SORT1: variants seen among roughly 807,000 people sequenced by gnomAD.
The protein encoded by SORT1 is sortilin 1.
A neutral mutation model predicts 101.7 loss-of-function variants in SORT1; 39 were observed. The ratio of observed to expected loss-of-function variants is 0.38; its 90% CI spans 0.30 to 0.50. SORT1 has a LOEUF of 0.50. Among genes scored for constraint, SORT1 ranks in the 20% least tolerant of loss-of-function variants. SORT1 has a pLI of 0.90. For missense variants in SORT1, 878 were observed against 1,040.4 expected, an observed-to-expected ratio of 0.84 and a Z score of 2.15; for synonymous variants, 396 against 393.7, an observed-to-expected ratio of 1.01 and a Z score of -0.07.
intron 6 of SORT1, 117 bp downstream of exon 6, chr1:109,350,812 G>A: frequency 1.3e-6 from 1 of 746,122 alleles, no homozygotes; most frequent in East Asian, 2.5e-5. Context: ...TATCTCTTAT[G>A]GCACCCTGAA....
intron 1 of SORT1, among the ~76,000 whole-genome samples, chr1:109,395,151 TAC>T (rs1042197937): frequency 1.3e-4 from 18 of 142,774 alleles, no homozygotes; most frequent in Non-Finnish European, 2.0e-4. Flanking sequence ...TTTAACCAGA[TAC>T]AGAAAGGATG....
intron 1 of SORT1, among the ~76,000 whole-genome samples, chr1:109,369,918 A>G (rs1321930077): frequency 6.6e-6 from 1 of 152,214 alleles, no homozygotes; most frequent in East Asian, 1.9e-4. Context: ...AAGTATTTTT[A>G]GGATGCTTTA....
chr1:109,327,118 T>A lies in SORT1; in HGVS notation c.1517A>T (p.Tyr506Phe). The change falls in exon 13 of 20, where the codon TAC (tyrosine) becomes TTC (phenylalanine). Residue 506 changes from tyrosine to phenylalanine, a missense_variant. Around this residue, in one of 2 missense-constraint regions of SORT1, gnomAD observed 684 missense variants for 894.5 expected, o/e 0.76. Transcript: ENST00000256637. ...DAISVMVPDV[Y>F]ISDDGGYSWT... ...GGAGTAACCCCCATCATCTGAGATG[T>A]ACACATCTGGAACCATCACTGAGAT... The A allele has an allele frequency of 1.2e-6, 2 of 1,613,740 alleles. No individual in the cohort carries two copies. Among genetic ancestry groups the A allele is most frequent in the Non-Finnish European group, 1.7e-6 (2 of 1,179,866 alleles).
At chr1:109,317,527 C>T (rs1477088335) in intron 16 of SORT1, among the ~76,000 whole-genome samples, 2 of 152,204 alleles carry the variant, frequency 1.3e-5, no homozygotes, top group Admixed American at 6.5e-5. Flanking sequence ...GCGGATGGGA[C>T]GCTTCTGTCA....
rs975626753 is a variant in SORT1, at chr1:109,309,636, T to G, written c.*4407A>C. 2.0e-5 allele frequency: 3 copies of G among 152,176 alleles called. No individual in the cohort carries two copies. Among genetic ancestry groups the G allele is most frequent in the African/African-American group, 7.2e-5 (3 of 41,432 alleles). The allele number at this position is 152,176 out of a possible 1,614,324, so 9.4% of individuals were successfully genotyped here. On this transcript the variant is annotated 3_prime_UTR_variant, in exon 20 of 20. Coordinates refer to ENST00000256637, the MANE Select transcript of SORT1 (RefSeq NM_002959.7). Reference sequence around the variant, plus strand: ...CAAATATTCCAAATATACAGAAAATTACCAGTACAAAGTTAAACACATTCA... The same window carrying G: ...CAAATATTCCAAATATACAGAAAATGACCAGTACAAAGTTAAACACATTCA...
chr1:109,386,986 T>C (rs1652607070), intron 1 of SORT1, among the ~76,000 whole-genome samples: 1 of 152,176 alleles, frequency 6.6e-6, no homozygotes, highest in Non-Finnish European at 1.5e-5. Context: ...TGTTATTAAA[T>C]TATAGTCTTT....
chr1:109,354,738 A>G (rs1173675408), intron 4 of SORT1, among the ~76,000 whole-genome samples: 1 of 152,188 alleles, frequency 6.6e-6, no homozygotes, highest in Non-Finnish European at 1.5e-5. Context: ...GGGACATCAT[A>G]TCTGTGGGTT....
rs547347560 is a variant in SORT1 at position 109,334,270 on chromosome 1, A to G, written c.1371+1970T>C. On this transcript the variant is annotated intron_variant, in intron 11 of 19. Coordinates refer to ENST00000256637, the MANE Select transcript of SORT1 (RefSeq NM_002959.7). ...TCTGTGCTCCCATGTCCACTGCAGT[A>G]TTATTCACAATAGCCAAGCTACAGA... Among the ~76,000 whole-genome samples, 6 of 152,364 alleles carry G rather than the reference A, an allele frequency of 3.9e-5. No individual in the cohort carries two copies. The East Asian group carries it at 1.2e-3, about 29-fold the overall frequency.
At chr1:109,323,257 T>G (rs1222103292) in intron 14 of SORT1, 136 bp from the exon 15 acceptor site, 13 of 619,024 alleles carry the variant, frequency 2.1e-5, no homozygotes, top group Non-Finnish European at 3.4e-5. Flanking sequence ...ATTTTGGAAT[T>G]GCAAACAAAA....
intron 12 of SORT1, 29 bp downstream of exon 12, chr1:109,327,470 T>C: frequency 7.3e-7 from 1 of 1,364,520 alleles, no homozygotes; most frequent in Non-Finnish European, 1.0e-6. Flanking sequence ...ACTGTTCCAG[T>C]TGGAGGTGGT....
At position 109,387,807 on chromosome 1, in the gene SORT1, C is replaced by T. The variant is rs1014160312; in HGVS notation, c.306+9780G>A. Among the ~76,000 whole-genome samples, 4 of 152,028 alleles carry T rather than the reference C, an allele frequency of 2.6e-5. No homozygotes were observed. The East Asian group carries it at 5.8e-4, about 22-fold the overall frequency. ...CTCTACTAAAAATACAAAAATTAGCCGGGTGTGGTGGCGGGCACCTGTAAT... is the reference window on the plus strand; with the variant it reads ...CTCTACTAAAAATACAAAAATTAGCTGGGTGTGGTGGCGGGCACCTGTAAT... On this transcript the variant is annotated intron_variant, in intron 1 of 19. Transcript: ENST00000256637.
intron 1 of SORT1, among the ~76,000 whole-genome samples, chr1:109,381,053 T>G (rs1557824116): frequency 6.6e-6 from 1 of 152,044 alleles, no homozygotes; most frequent in Non-Finnish European, 1.5e-5. Context: ...TCTTCTACGG[T>G]GGGTGGGAGT....
chr1:109,340,610 G>T, intron 10 of SORT1, 114 bp downstream of exon 10: 1 of 1,053,258 alleles, frequency 9.5e-7, no homozygotes, highest in Non-Finnish European at 1.4e-6. Context: ...AAATGTACAT[G>T]GGTAGGCTTG....
intron 1 of SORT1, among the ~76,000 whole-genome samples, chr1:109,382,413 G>A (rs755082767): frequency 2.7e-4 from 41 of 152,148 alleles, no homozygotes; most frequent in Non-Finnish European, 5.1e-4. Context: ...TGGGATTACA[G>A]GTGTGAACCA....
chr1:109,348,371 G>A (rs1199715192), intron 6 of SORT1, among the ~76,000 whole-genome samples: 1 of 146,700 alleles, frequency 6.8e-6, no homozygotes, highest in East Asian at 2.0e-4. Flanking sequence ...CAGCATCCTG[G>A]TTATTCATAT....
rs561490324 is a variant in SORT1, at chr1:109,370,352, C to T, written c.307-763G>A. Reference sequence around the variant, plus strand: ...AAGAAGATGTAGACAATTATAAGAACGCATAATAAAGATAAGTCACTCATA... The same window carrying T: ...AAGAAGATGTAGACAATTATAAGAATGCATAATAAAGATAAGTCACTCATA... On this transcript the variant is annotated intron_variant, in intron 1 of 19. Transcript: ENST00000256637. Among the ~76,000 whole-genome samples, 16 of 151,740 alleles carry T rather than the reference C, an allele frequency of 1.1e-4. No homozygotes were observed. In the South Asian group the frequency reaches 2.7e-3, roughly 26 times the overall value.
chr1:109,326,583 A>T (rs1448789324), intron 13 of SORT1, among the ~76,000 whole-genome samples: 1 of 148,430 alleles, frequency 6.7e-6, no homozygotes, highest in Non-Finnish European at 1.5e-5. Flanking sequence ...ACATATATAC[A>T]CACACACATA....
rs747827454 is a variant in SORT1, at chr1:109,317,988, A to G, written c.2025-19T>C. The G allele has an allele frequency of 6.6e-7, 1 of 1,508,710 alleles. No homozygotes were observed. The highest frequency in any genetic ancestry group is 1.7e-4 in the Middle Eastern group (1 of 5,872). The allele number at this position is 1,508,710 out of a possible 1,614,324, so 93.5% of individuals were successfully genotyped here. ...AAAATCACTGCAAGAGTCAGCAAAT[A>G]AAGTACCTTTCAAAGCAGCTGGAAG... On this transcript the variant is annotated intron_variant, in intron 15 of 19. Transcript: ENST00000256637.
At chr1:109,390,861 G>A (rs115131337) in intron 1 of SORT1, among the ~76,000 whole-genome samples, 325 of 151,076 alleles carry the variant, frequency 2.2e-3, no homozygotes, top group Non-Finnish European at 3.4e-3. Flanking sequence ...AACATAAGAC[G>A]GATAGTATTC....
Sources: allele counts gnomAD v4.1 joint callset (sites outside exome capture counted in the v4.1 genomes callset), GRCh38; gene constraint gnomAD v4.1.1; regional missense constraint gnomAD v4.1.1; transcripts MANE v1.5; gene names NCBI Gene and HGNC (gene_info 2026-07-23, HGNC 2026-07-21).